Variants in FAT3 observed in about 807,000 individuals in gnomAD.
The protein encoded by FAT3 is protocadherin Fat 3.
A neutral mutation model predicts 310.2 loss-of-function variants in FAT3; 95 were observed. The ratio of observed to expected loss-of-function variants is 0.31; its 90% CI spans 0.26 to 0.36. FAT3 has a LOEUF of 0.36. FAT3 is among the 10% of genes least tolerant of loss of function. FAT3 has a pLI of 1.00. For synonymous variants in FAT3, 2,314 were observed against 2,192.9 expected, an observed-to-expected ratio of 1.06 and a Z score of -1.54; for missense variants, 5,408 against 5,715.6, an observed-to-expected ratio of 0.95 and a Z score of 1.74.
intron 1 of FAT3, among the ~76,000 whole-genome samples, chr11:92,283,791 A>G (rs1946491709): frequency 6.6e-6 from 1 of 152,002 alleles, no homozygotes; most frequent in Non-Finnish European, 1.5e-5. Flanking sequence ...TGATTATTTT[A>G]TTTTACAGTT....
In FAT3 at chr11:92,581,661, G is replaced by C. The variant is rs144466359; in HGVS notation, c.3607+56713G>C. On this transcript the variant is annotated intron_variant, in intron 3 of 27. Coordinates refer to ENST00000525166, the MANE Select transcript of FAT3 (RefSeq NM_001367949.2). Reference sequence around the variant, plus strand: ...GCTTATAAAGGTCTGCCAAGGGGGGGGATTATGCCATAAACTTCTTATTTG... The same window carrying C: ...GCTTATAAAGGTCTGCCAAGGGGGGCGATTATGCCATAAACTTCTTATTTG... Among the ~76,000 whole-genome samples, 304 of 151,902 alleles carry C rather than the reference G, an allele frequency of 2.0e-3. 2 individuals carry two copies. Among genetic ancestry groups the C allele is most frequent in the African/African-American group, 6.9e-3 (285 of 41,432 alleles).
chr11:92,551,777 G>A (rs111991303), intron 3 of FAT3, among the ~76,000 whole-genome samples: 1 of 152,198 alleles, frequency 6.6e-6, no homozygotes. Context: ...CAAGTGTTTT[G>A]TGTTTCAACT....
chr11:92,366,907 C>G, intron 2 of FAT3: 1 of 533,066 alleles, frequency 1.9e-6, no homozygotes, highest in Non-Finnish European at 3.7e-6. Context: ...AGGTGCACCT[C>G]CAGATCTTTA....
intron 18 of FAT3, 134 bp downstream of exon 18, chr11:92,840,893 A>G: frequency 1.2e-6 from 1 of 842,464 alleles, no homozygotes; most frequent in South Asian, 3.0e-5. Context: ...CCCCCTTTTA[A>G]TCTCAAATTC....
At chr11:92,829,207 T>C (rs540000611) in intron 13 of FAT3, among the ~76,000 whole-genome samples, 102 of 152,336 alleles carry the variant, frequency 6.7e-4, no homozygotes, top group African/African-American at 2.3e-3. Flanking sequence ...AAAATGCTGG[T>C]TGCACCAGGC....
In FAT3 at chr11:92,353,260, T is replaced by C; in HGVS notation, c.1148T>C (p.Val383Ala). 3.1e-6 allele frequency: 5 copies of C among 1,613,744 alleles called. No homozygotes were observed. The highest frequency in any genetic ancestry group is 4.2e-6 in the Non-Finnish European group (5 of 1,179,834). ...AGATTTGAAAAAGAAGTGTACGATG[T>C]GAGCATAAGTGAATTTTCCCCTCCT... ...PIRFEKEVYD[V>A]SISEFSPPGV... is the part of the protein sequence containing the mutation. The change falls in exon 2 of 28, where the codon GTG becomes GCG. Residue 383 changes from valine to alanine, a missense_variant. Transcript: ENST00000525166.
At chr11:92,596,550 C>T (rs1939717263) in intron 3 of FAT3, among the ~76,000 whole-genome samples, 1 of 152,168 alleles carries the variant, frequency 6.6e-6, no homozygotes, top group Non-Finnish European at 1.5e-5. Flanking sequence ...ATCTCATGCA[C>T]AGACAATGCA....
intron 3 of FAT3, among the ~76,000 whole-genome samples, chr11:92,557,869 C>G (rs1216011194): frequency 6.6e-6 from 1 of 152,240 alleles, no homozygotes; most frequent in East Asian, 1.9e-4. Context: ...AGCCAATCCT[C>G]TATTCCTGAG....
chr11:92,867,243 G>A, intron 22 of FAT3, 34 bp downstream of exon 22: 2 of 1,505,810 alleles, frequency 1.3e-6, no homozygotes, highest in Non-Finnish European at 1.8e-6. Context: ...ACTGGCCTGG[G>A]GGTTTGAGGG....
At chr11:92,528,633 G>A (rs866978228) in intron 3 of FAT3, among the ~76,000 whole-genome samples, 8 of 151,382 alleles carry the variant, frequency 5.3e-5, no homozygotes, top group African/African-American at 1.5e-4. Flanking sequence ...TGATCCGCCC[G>A]CCTTGGCCTC....
chr11:92,425,956 C>T (rs1250324651), intron 2 of FAT3, among the ~76,000 whole-genome samples: 1 of 152,136 alleles, frequency 6.6e-6, no homozygotes, highest in African/African-American at 2.4e-5. Flanking sequence ...GAGGAATCAC[C>T]ACACTGTCTT....
At chr11:92,279,056 C>T (rs143723698) in intron 1 of FAT3, among the ~76,000 whole-genome samples, 15 of 152,176 alleles carry the variant, frequency 9.9e-5, no homozygotes, top group Non-Finnish European at 1.6e-4. Context: ...TGGGTGAAAT[C>T]CCAGCATGAG....
rs1948428838 is a variant in FAT3 at position 92,837,153 on chromosome 11, A to C, written c.10224+450A>C. The stretch of plus-strand genomic sequence containing the variant: ...TCTAAACATTGTCTTTCTTGACCAA[A>C]AAATATTCATCTTCGAAGGGAAATT... On this transcript the variant is annotated intron_variant, in intron 16 of 27. Coordinates refer to ENST00000525166, the MANE Select transcript of FAT3 (RefSeq NM_001367949.2). Among the ~76,000 whole-genome samples the C allele has an allele frequency of 2.6e-5, 4 of 152,362 alleles. No homozygotes were observed. The South Asian group carries it at 8.3e-4, about 32-fold the overall frequency.
chr11:92,568,409 C>A (rs1331462036), intron 3 of FAT3, among the ~76,000 whole-genome samples: 1 of 152,040 alleles, frequency 6.6e-6, no homozygotes, highest in Non-Finnish European at 1.5e-5. Flanking sequence ...CTAGTGAGTA[C>A]ATTTTTATAT....
chr11:92,371,790 A>T (rs1176176093), intron 2 of FAT3, among the ~76,000 whole-genome samples: 1 of 152,144 alleles, frequency 6.6e-6, no homozygotes, highest in Non-Finnish European at 1.5e-5. Context: ...CATGCAGCAT[A>T]ATAGCTAGGT....
At chr11:92,546,215 A>G (rs1481888834) in intron 3 of FAT3, among the ~76,000 whole-genome samples, 1 of 152,194 alleles carries the variant, frequency 6.6e-6, no homozygotes, top group African/African-American at 2.4e-5. Flanking sequence ...ATCCCGATCT[A>G]CAGAGTGCAG....
intron 19 of FAT3, among the ~76,000 whole-genome samples, chr11:92,856,448 T>A (rs576273738): frequency 1.2e-3 from 187 of 152,324 alleles, no homozygotes; most frequent in Admixed American, 4.1e-3. Flanking sequence ...AGTGGGTTCA[T>A]ATTTGCACAG....
At chr11:92,615,756 G>C (rs1940773483) in intron 3 of FAT3, among the ~76,000 whole-genome samples, 1 of 152,172 alleles carries the variant, frequency 6.6e-6, no homozygotes, top group Non-Finnish European at 1.5e-5. Flanking sequence ...TTCAGGAGCA[G>C]GTTGTTCAGT....
chr11:92,581,688 C>T (rs1938809771), intron 3 of FAT3, among the ~76,000 whole-genome samples: 1 of 151,966 alleles, frequency 6.6e-6, no homozygotes. Flanking sequence ...TCTTATTTGC[C>T]ATTGCACCTT....
Sources: gnomAD v4.1 joint callset for allele counts (sites outside exome capture counted in the v4.1 genomes callset) on GRCh38, gnomAD v4.1.1 for gene constraint, MANE v1.5 for transcripts, NCBI Gene and HGNC (gene_info 2026-07-23, HGNC 2026-07-21) for gene names.